Variants in TRPA1 observed in about 807,000 individuals in gnomAD.
TRPA1 encodes ankyrin-like with transmembrane domains 1.
Under a neutral mutation model 131.3 loss-of-function variants are expected in TRPA1, and 129 were observed. That is an observed-to-expected ratio of 0.98 (90% CI 0.85 to 1.14). The LOEUF is 1.14. Among genes scored for constraint, TRPA1 ranks in the 50% most tolerant of loss-of-function variants. TRPA1 has a pLI of 0.00. For synonymous variants in TRPA1, 441 were observed against 451.7 expected (o/e 0.98, Z 0.30); for missense variants, 1,304 against 1,354.2 (o/e 0.96, Z 0.58).
intron 25 of TRPA1, among the ~76,000 whole-genome samples, chr8:72,024,286 C>T (rs1394029265): frequency 6.6e-6 from 1 of 152,208 alleles, no homozygotes; most frequent in Non-Finnish European, 1.5e-5. Context: ...TTATCCAATA[C>T]AACTCAACCA....
the TRPA1 span, among the ~76,000 whole-genome samples, chr8:72,087,515 T>C: frequency 0.038 from 5,820 of 152,166 alleles, 369 homozygotes; most frequent in African/African-American, 0.13. Flanking sequence ...ATTTTCCTTG[T>C]ATCTTAAGCT....
At chr8:72,067,618 T>C (rs1805962175) in intron 3 of TRPA1, among the ~76,000 whole-genome samples, 1 of 152,174 alleles carries the variant, frequency 6.6e-6, no homozygotes, top group African/African-American at 2.4e-5. Context: ...TCACGGCCAA[T>C]ATTAAGTTAA....
chr8:72,023,212 G>T, intron 26 of TRPA1, 96 bp from the exon 27 acceptor site: 1 of 361,846 alleles, frequency 2.8e-6, no homozygotes, highest in Non-Finnish European at 3.9e-6. Flanking sequence ...GGTCCCTTCT[G>T]AATGTAGGAA....
intron 17 of TRPA1, among the ~76,000 whole-genome samples, chr8:72,040,405 T>C (rs1057036570): frequency 6.6e-6 from 1 of 152,046 alleles, no homozygotes; most frequent in African/African-American, 2.4e-5. Context: ...ATCCCAAACT[T>C]AGTTAACGTG....
upstream of TRPA1, among the ~76,000 whole-genome samples, chr8:72,078,783 T>C (rs7841449): frequency 0.038 from 5,838 of 152,120 alleles, 378 homozygotes; most frequent in African/African-American, 0.13. Context: ...TAGTAGTGGA[T>C]TTGCTGAGTA....
Position 72,022,982 on chromosome 8 carries a change from T to C in TRPA1, c.3284A>G (p.Gln1095Arg). The C allele has an allele frequency of 6.2e-7, 1 of 1,613,922 alleles. No homozygotes were observed. Among genetic ancestry groups the C allele is most frequent in the South Asian group, 1.1e-5 (1 of 91,074 alleles). The change falls in exon 27 of 27, where the codon CAG (glutamine) becomes CGG (arginine). Residue 1095 changes from glutamine (Q) to arginine (R), a missense_variant. Coordinates refer to ENST00000262209, the MANE Select transcript of TRPA1 (RefSeq NM_007332.3). ...CSFQDRFKKE[Q>R]MEQRNSRWNT... ...CCATCTGCTATTCCTTTGTTCCATC[T>C]GCTCTTTCTTAAACCTGTCTTGAAA... is the stretch of plus-strand genomic sequence containing the variant.
intron 25 of TRPA1, 55 bp downstream of exon 25, chr8:72,025,905 A>C: frequency 6.8e-7 from 1 of 1,462,348 alleles, no homozygotes; most frequent in Non-Finnish European, 9.6e-7. Context: ...AACACAATGA[A>C]TGAATGTCAA....
chr8:72,088,370 T>TTC, the TRPA1 span, among the ~76,000 whole-genome samples: 1 of 146,878 alleles, frequency 6.8e-6, no homozygotes, highest in African/African-American at 2.6e-5. Flanking sequence ...TGAAAACTTT[T>TTC]TTTTTTTTTT....
At chr8:72,077,595 G>C (rs891196622), upstream of TRPA1, among the ~76,000 whole-genome samples, 18 of 152,178 alleles carry the variant, frequency 1.2e-4, no homozygotes, top group African/African-American at 4.1e-4. Context: ...ATATTATGGG[G>C]GTCTTGTTCC....
Position 72,053,754 on chromosome 8 carries a change from C to T in TRPA1, c.1643G>A (p.Gly548Glu), listed in dbSNP as rs754958158. 7 of 1,610,094 alleles carry T rather than the reference C, an allele frequency of 4.3e-6. No individual in the cohort carries two copies. In the Admixed American group the frequency reaches 1.0e-4, roughly 23 times the overall value. ...AAGCATGAGGACCGCAGTACATACCCCGTCTTCATCCAGGCGATCTGTGCA... is the reference window on the plus strand; with the variant it reads ...AAGCATGAGGACCGCAGTACATACCTCGTCTTCATCCAGGCGATCTGTGCA... The part of the protein sequence containing the change: ...LKCTDRLDED[G>E]NTALHFAARE... The change falls in exon 13 of 27, where the codon GGG becomes GAG. Residue 548 changes from glycine to glutamate, a missense_variant and splice_region_variant. Coordinates refer to ENST00000262209, the MANE Select transcript of TRPA1 (RefSeq NM_007332.3).
At chr8:72,030,296 T>C (rs1427444588) in intron 23 of TRPA1, among the ~76,000 whole-genome samples, 2 of 152,154 alleles carry the variant, frequency 1.3e-5, no homozygotes, top group Non-Finnish European at 2.9e-5. Context: ...TCTCCCCTCA[T>C]GGCCTAATCA....
At chr8:72,052,965 C>CTGTGTGTGTGTGTGAGTGTGTGTG (rs1805551313) in intron 13 of TRPA1, 200 bp from the exon 14 acceptor site, 1 of 308,614 alleles carries the variant, frequency 3.2e-6, no homozygotes, top group Non-Finnish European at 6.1e-6. Context: ...GGAAGTGGAT[C>CTGTGTGTGTGTGTGAGTGTGTGTG]TGTGTGTGTG....
chr8:72,064,201 C>A (rs1284769889), intron 4 of TRPA1, among the ~76,000 whole-genome samples: 4 of 151,224 alleles, frequency 2.6e-5, no homozygotes, highest in Non-Finnish European at 5.9e-5. Context: ...CACCTGTAAT[C>A]TCAGCTTTTA....
intron 1 of TRPA1, among the ~76,000 whole-genome samples, chr8:72,073,495 A>C (rs6993348): frequency 0.37 from 55,880 of 151,978 alleles, 10,754 homozygotes; most frequent in East Asian, 0.55. Context: ...AACCCTTCAT[A>C]GTGTTATATA....
At chr8:72,051,598 T>C (rs2129435092) in intron 14 of TRPA1, among the ~76,000 whole-genome samples, 1 of 152,304 alleles carries the variant, frequency 6.6e-6, no homozygotes, top group South Asian at 2.1e-4. Context: ...AAAGGGATGA[T>C]CAGTCGGAGA....
chr8:72,061,124 T>C (rs909377721), intron 7 of TRPA1, among the ~76,000 whole-genome samples: 3 of 152,212 alleles, frequency 2.0e-5, no homozygotes, highest in African/African-American at 7.2e-5. Flanking sequence ...CTGTTAAACT[T>C]CAAATAAATT....
chr8:72,025,376 C>A (rs1403298414), intron 25 of TRPA1, among the ~76,000 whole-genome samples: 3 of 152,100 alleles, frequency 2.0e-5, no homozygotes, highest in African/African-American at 7.2e-5. Context: ...TGCCTTGCTT[C>A]CCCTTCACCT....
At chr8:72,067,571 T>A (rs1029116282) in intron 3 of TRPA1, among the ~76,000 whole-genome samples, 4 of 152,180 alleles carry the variant, frequency 2.6e-5, no homozygotes, top group Non-Finnish European at 5.9e-5. Context: ...CAATAGTCTT[T>A]CAACAGTTAC....
In TRPA1 at chr8:72,036,453, C is replaced by T; in HGVS notation, c.2390G>A (p.Arg797Lys). The change falls in exon 21 of 27, where the codon AGG (arginine) becomes AAG (lysine). Residue 797 changes from arginine to lysine, a missense_variant. By Grantham distance (26) the Arg-to-Lys change is conservative (BLOSUM62 2). Coordinates refer to ENST00000262209, the MANE Select transcript of TRPA1 (RefSeq NM_007332.3). The stretch of plus-strand genomic sequence containing the variant: ...ATTGCTTATATCCATAAAATAATTC[C>T]TTTTCTGGGATAGAAAAGAATAAAA... ...KEAGQIFQQKRNYFMDISNVL... is the reference protein window; with the variant it reads ...KEAGQIFQQKKNYFMDISNVL... 6.2e-7 allele frequency: 1 copy of T among 1,613,100 alleles called. No individual in the cohort carries two copies. The highest frequency in any genetic ancestry group is 8.5e-7 in the Non-Finnish European group (1 of 1,179,262).
Sources: gnomAD v4.1 joint callset for allele counts (sites outside exome capture counted in the v4.1 genomes callset) on GRCh38, gnomAD v4.1.1 for gene constraint, MANE v1.5 for transcripts, NCBI Gene and HGNC (gene_info 2026-07-23, HGNC 2026-07-21) for gene names.